TTC6: variants seen among roughly 807,000 people sequenced by gnomAD.
The protein encoded by TTC6 is tetratricopeptide repeat domain 6, also known as tetratricopeptide repeat protein 6.
A neutral mutation model predicts 210.4 loss-of-function variants in TTC6; 172 were observed. The ratio of observed to expected loss-of-function variants is 0.82; its 90% confidence interval spans 0.72 to 0.93. The LOEUF (loss-of-function observed/expected upper bound fraction) is 0.93. Ranked by LOEUF, TTC6 falls within the 40% of genes least tolerant of loss-of-function variation. The pLI is 0.00. For synonymous variants in TTC6, 804 were observed against 819.6 expected, an observed-to-expected ratio of 0.98 and a Z score of 0.32; for missense variants, 2,414 against 2,318.1, an observed-to-expected ratio of 1.04 and a Z score of -0.85.
intron 10 of TTC6, among the ~76,000 whole-genome samples, 200 bp from the exon 13 acceptor site, chr14:37,748,739 T>G (rs2095943257): frequency 6.6e-6 from 1 of 152,182 alleles, no homozygotes; most frequent in Non-Finnish European, 1.5e-5. Context: ...AAAAACAGTC[T>G]TTTGCTTTCA....
At chr14:37,705,687 C>G (rs914588334) in intron 5 of TTC6, among the ~76,000 whole-genome samples, 4 of 152,114 alleles carry the variant, frequency 2.6e-5, no homozygotes, top group African/African-American at 7.2e-5. Flanking sequence ...AATCACTGCC[C>G]TCAGGGAACC....
intron 3 of TTC6, among the ~76,000 whole-genome samples, chr14:37,691,343 CAACA>C (rs1381706058): frequency 1.3e-5 from 2 of 151,714 alleles, no homozygotes; most frequent in African/African-American, 2.4e-5. Flanking sequence ...AACAAACAAA[CAACA>C]AACAAAAAAA....
chr14:37,773,329 G>A (rs2096026451), intron 14 of TTC6, among the ~76,000 whole-genome samples: 1 of 152,160 alleles, frequency 6.6e-6, no homozygotes, highest in Non-Finnish European at 1.5e-5. Context: ...TTTTCATCAT[G>A]AAATCCTTGC....
chr14:37,597,472 T>C (rs538682180), intron 1 of TTC6, among the ~76,000 whole-genome samples: 4 of 151,858 alleles, frequency 2.6e-5, no homozygotes, highest in African/African-American at 9.7e-5. Flanking sequence ...ACTGTCACCT[T>C]AAAGGGGGGG....
chr14:37,783,596 G>C (rs2096060574), intron 14 of TTC6, among the ~76,000 whole-genome samples: 1 of 151,950 alleles, frequency 6.6e-6, no homozygotes, highest in African/African-American at 2.4e-5. Context: ...TGGATTCATT[G>C]ATTTTTTGAA....
intron 20 of TTC6, among the ~76,000 whole-genome samples, chr14:37,799,270 T>C (rs1404318289): frequency 6.6e-6 from 1 of 152,164 alleles, no homozygotes; most frequent in African/African-American, 2.4e-5. Flanking sequence ...CATGAGAAAC[T>C]ACCTTTAGTA....
intron 25 of TTC6, among the ~76,000 whole-genome samples, chr14:37,814,317 A>G (rs1158218042): frequency 1.3e-5 from 2 of 151,738 alleles, no homozygotes; most frequent in African/African-American, 4.8e-5. Context: ...TGCGTACAGC[A>G]CTCTTCCTCC....
chr14:37,777,118 A>G (rs1202118921), intron 14 of TTC6, among the ~76,000 whole-genome samples: 9 of 152,088 alleles, frequency 5.9e-5, no homozygotes, highest in Non-Finnish European at 1.3e-4. Context: ...GGTTCTCTGC[A>G]TTTCTTGAAT....
At chr14:37,616,666 C>T (rs2095643185) in intron 2 of TTC6, among the ~76,000 whole-genome samples, 1 of 149,164 alleles carries the variant, frequency 6.7e-6, no homozygotes, top group Non-Finnish European at 1.5e-5. Context: ...CACTGCACTC[C>T]AGCCTGGGCG....
chr14:37,782,632 CT>C (rs1388373983), intron 14 of TTC6, among the ~76,000 whole-genome samples: 1 of 152,076 alleles, frequency 6.6e-6, no homozygotes, highest in Non-Finnish European at 1.5e-5. Context: ...TTTCTCCTGC[CT>C]AATTGCCCTG....
chr14:37,806,107 C>G (rs989471567), intron 21 of TTC6, among the ~76,000 whole-genome samples: 1 of 152,132 alleles, frequency 6.6e-6, no homozygotes, highest in Admixed American at 6.5e-5. Flanking sequence ...TAAAATTATA[C>G]CACCTGAAAT....
intron 1 of TTC6, among the ~76,000 whole-genome samples, chr14:37,651,417 ATATATATATTTTTTTTTTT>A (rs1485570395): frequency 5.9e-4 from 12 of 20,248 alleles, no homozygotes; most frequent in South Asian, 5.4e-3. Flanking sequence ...ATATATATAT[ATATATATATTTTTTTTTTT>A]TTTTTTTTTT....
intron 14 of TTC6, among the ~76,000 whole-genome samples, chr14:37,778,822 C>T (rs955888862): frequency 1.3e-5 from 2 of 152,110 alleles, no homozygotes; most frequent in African/African-American, 4.8e-5. Flanking sequence ...GGCCAGCAGA[C>T]ATGGGAGGGC....
chr14:37,732,339 C>G (rs1025131089), intron 7 of TTC6, among the ~76,000 whole-genome samples: 4 of 151,096 alleles, frequency 2.6e-5, no homozygotes, highest in African/African-American at 9.7e-5. Flanking sequence ...CCCGCCACCA[C>G]GCCTTGCTAA....
chr14:37,641,916 A>G (rs1260823251), intron 1 of TTC6, among the ~76,000 whole-genome samples: 1 of 152,238 alleles, frequency 6.6e-6, no homozygotes, highest in East Asian at 1.9e-4. Context: ...ACAGTTGATT[A>G]GCATAGTTGA....
At chr14:37,842,017 A>G (rs536431001) in intron 30 of TTC6, 138 bp from the exon 33 acceptor site, 4 of 739,278 alleles carry the variant, frequency 5.4e-6, no homozygotes, top group African/African-American at 3.6e-5. Context: ...AGTGTTTTCA[A>G]ATTAAAAGTA....
intron 5 of TTC6, among the ~76,000 whole-genome samples, chr14:37,705,120 G>A (rs899717423): frequency 2.1e-4 from 32 of 152,112 alleles, no homozygotes; most frequent in African/African-American, 7.7e-4. Context: ...CTCAAATCAG[G>A]CACCCCTTAT....
At chr14:37,605,114 T>C (rs1326261604) in intron 1 of TTC6, among the ~76,000 whole-genome samples, 2 of 152,200 alleles carry the variant, frequency 1.3e-5, no homozygotes, top group East Asian at 1.9e-4. Context: ...ACAGACAATA[T>C]AGTCTGTGAA....
intron 1 of TTC6, among the ~76,000 whole-genome samples, chr14:37,638,602 T>C (rs1051830025): frequency 6.8e-6 from 1 of 146,346 alleles, no homozygotes; most frequent in African/African-American, 2.5e-5. Flanking sequence ...GAGAACAAGT[T>C]TGTGGTTGCT....
Sources: allele counts gnomAD v4.1 joint callset (sites outside exome capture counted in the v4.1 genomes callset), GRCh38; gene constraint gnomAD v4.1.1; transcripts MANE v1.5; gene names NCBI Gene and HGNC (gene_info 2026-07-23, HGNC 2026-07-21).